HYAL3: variants seen among roughly 807,000 people sequenced by gnomAD.
The protein encoded by HYAL3 is hyaluronidase-3.
In HYAL3, 25 loss-of-function variants were observed where a neutral mutation model predicts 29.6. The ratio of observed to expected loss-of-function variants is 0.85; its 90% confidence interval spans 0.62 to 1.18. HYAL3 has a LOEUF of 1.18. Among genes scored for constraint, HYAL3 ranks in the 50% most tolerant of loss-of-function variants. The probability of loss-of-function intolerance (pLI) is 0.00; values close to 1 mark genes in which losing one functional copy is unlikely to be tolerated. For synonymous variants in HYAL3, 215 were observed against 218.3 expected (o/e 0.99, Z 0.13); for missense variants, 442 against 548.4 (o/e 0.81, Z 1.94).
Position 50,297,946 on chromosome 3 carries a change from C to A in HYAL3, c.-18+1267G>T. On this transcript the variant is annotated intron_variant, in intron 1 of 3. Transcript: ENST00000336307. The surrounding 1 kb of genome is among the most constrained non-coding windows in gnomAD (Gnocchi z 4.3). Reference sequence around the variant, plus strand: ...CTGGGGCAGAACCTAGGAGTCCTGGCCCCAGCCTGCTCTGGCTACAAATTT... The same window carrying A: ...CTGGGGCAGAACCTAGGAGTCCTGGACCCAGCCTGCTCTGGCTACAAATTT... The A allele has an allele frequency of 1.0e-6, 1 of 989,558 alleles. No homozygotes were observed. Among genetic ancestry groups the A allele is most frequent in the Non-Finnish European group, 1.2e-6 (1 of 833,036 alleles). 61.3% of individuals were successfully genotyped at this position (989,558 alleles called of 1,614,324 possible).
intron 1 of HYAL3, chr3:50,295,905 C>A: frequency 7.7e-6 from 3 of 390,292 alleles, no homozygotes; most frequent in South Asian, 6.8e-5. Flanking sequence ...ACCACTGTGT[C>A]CTCCCACAAC....
At chr3:50,296,284 T>A (rs1272691087) in intron 1 of HYAL3, 1 of 383,188 alleles carries the variant, frequency 2.6e-6, no homozygotes, top group African/African-American at 2.1e-5. Context: ...AGGACAGGCA[T>A]CCTCCCATCA....
Position 50,297,155 on chromosome 3 carries a change from G to A in HYAL3, c.-17-1536C>T. 1 of 1,600,524 alleles carries A rather than the reference G, an allele frequency of 6.2e-7. No individual in the cohort carries two copies. The highest frequency in any genetic ancestry group is 1.3e-5 in the African/African-American group (1 of 74,758). ...GGTGGGGGCTTAGCAGCATCAGGCA[G>A]AGGGGGAAGGCATCTGAGGACTGGC... On this transcript the variant is annotated intron_variant, in intron 1 of 3. Coordinates refer to ENST00000336307, the MANE Select transcript of HYAL3 (RefSeq NM_003549.4). This position sits in a 1 kb window ranked among gnomAD's most constrained non-coding sequence, Gnocchi z 4.3.
chr3:50,298,788 C>G (rs1477443483), intron 1 of HYAL3: 27 of 1,099,150 alleles, frequency 2.5e-5, no homozygotes, highest in African/African-American at 3.3e-5. Context: ...CCCCTCACCT[C>G]CCACACCATT....
In HYAL3 at chr3:50,294,733, C is replaced by G; in HGVS notation, c.870G>C (p.Arg290=). 1 of 1,506,460 alleles carries G rather than the reference C, an allele frequency of 6.6e-7. No homozygotes were observed. Among genetic ancestry groups the G allele is most frequent in the Non-Finnish European group, 8.9e-7 (1 of 1,126,822 alleles). 93.3% of individuals were successfully genotyped at this position (1,506,460 alleles called of 1,614,324 possible). Reference sequence around the variant, plus strand: ...CCTGGGACAGGAACCTCCCAGATCTCCGGTGTGTGAGGCGGACATAGGCCA... The same window carrying G: ...CCTGGGACAGGAACCTCCCAGATCTGCGGTGTGTGAGGCGGACATAGGCCA... ...PVLAYVRLTH[R]RSGRFLSQDD... The change falls in exon 2 of 4, where the codon CGG becomes CGC. Residue 290 remains arginine (R), a synonymous_variant. Coordinates refer to ENST00000336307, the MANE Select transcript of HYAL3 (RefSeq NM_003549.4).
chr3:50,296,224 G>C (rs1328311340), intron 1 of HYAL3, among the ~76,000 whole-genome samples: 1 of 152,190 alleles, frequency 6.6e-6, no homozygotes, highest in Non-Finnish European at 1.5e-5. Context: ...GAGTGAATGG[G>C]GAAGAAAACA....
Position 50,297,936 on chromosome 3 carries a change from G to C in HYAL3, c.-18+1277C>G. 2 of 991,088 alleles carry C rather than the reference G, an allele frequency of 2.0e-6. No individual in the cohort carries two copies. Among genetic ancestry groups the C allele is most frequent in the Non-Finnish European group, 2.4e-6 (2 of 834,100 alleles). 61.4% of individuals were successfully genotyped at this position (991,088 alleles called of 1,614,324 possible). A position where few individuals can be genotyped will look rare whatever the true frequency, so the allele number is the denominator to read the frequency against. ...CTGCTTAAGGCTGGGGCAGAACCTA[G>C]GAGTCCTGGCCCCAGCCTGCTCTGG... On this transcript the variant is annotated intron_variant, in intron 1 of 3. Coordinates refer to ENST00000336307, the MANE Select transcript of HYAL3 (RefSeq NM_003549.4). The surrounding 1 kb of genome is among the most constrained non-coding windows in gnomAD (Gnocchi z 4.3).
rs1232161001 is a variant in HYAL3 at position 50,299,385 on chromosome 3, C to A, written c.-190G>T. On this transcript the variant is annotated 5_prime_UTR_variant, in exon 1 of 4. Coordinates refer to ENST00000336307, the MANE Select transcript of HYAL3 (RefSeq NM_003549.4). ...GCCACGGCGTTCTAAGGCCTCCCAG[C>A]ACCCGCGCGTCGCCGCTTAGAACCC... 17 of 1,445,740 alleles carry A rather than the reference C, an allele frequency of 1.2e-5. No individual in the cohort carries two copies. The highest frequency in any genetic ancestry group is 1.5e-5 in the Non-Finnish European group (16 of 1,072,286). 89.6% of individuals were successfully genotyped at this position (1,445,740 alleles called of 1,614,324 possible). A position where few individuals can be genotyped will look rare whatever the true frequency, so the allele number is the denominator to read the frequency against.
chr3:50,298,084 C>G (rs956129318), intron 1 of HYAL3: 106 of 985,414 alleles, frequency 1.1e-4, no homozygotes, highest in Non-Finnish European at 1.2e-4. Flanking sequence ...TAGTCCACCA[C>G]TAGGGCATGG....
Position 50,295,270 on chromosome 3 carries a change from C to T in HYAL3, c.333G>A (p.Gln111=), listed in dbSNP as rs782135670. The T allele has an allele frequency of 6.2e-7, 1 of 1,614,048 alleles. No homozygotes were observed. The highest frequency in any genetic ancestry group is 8.5e-7 in the Non-Finnish European group (1 of 1,180,020). Residue 111 remains glutamine, a synonymous_variant, in exon 2 of 4, where the codon CAG becomes CAA. Coordinates refer to ENST00000336307, the MANE Select transcript of HYAL3 (RefSeq NM_003549.4). ...AGCCAGGTCTCAGGCTGTGGTGGAT[C>T]TGGTAGGCAGCCAGTGCCAGGTGGC... ...LDRHLALAAY[Q]IHHSLRPGFA... is the part of the protein sequence containing the mutation.
chr3:50,294,960 T>C lies in HYAL3; in HGVS notation c.643A>G (p.Asn215Asp). 6.2e-7 allele frequency: 1 copy of C among 1,611,734 alleles called. No individual in the cohort carries two copies. Among genetic ancestry groups the C allele is most frequent in the Non-Finnish European group, 8.5e-7 (1 of 1,178,884 alleles). The change falls in exon 2 of 4, where the codon AAC becomes GAC. Residue 215 changes from asparagine (N) to aspartate (D), a missense_variant. By Grantham distance (23) the Asn-to-Asp change is conservative. Transcript: ENST00000336307. Reference sequence around the variant, plus strand: ...GCTGCATGGCAGCGGCCGGTATAGTTGGAAGCCATACTATGCCAGCCATTG... The same window carrying C: ...GCTGCATGGCAGCGGCCGGTATAGTCGGAAGCCATACTATGCCAGCCATTG... ...CGNGWHSMASNYTGRCHAATL... is the reference protein window; with the variant it reads ...CGNGWHSMASDYTGRCHAATL...
In HYAL3 at chr3:50,295,127, T is replaced by C. The variant is rs781923268; in HGVS notation, c.476A>G (p.Asp159Gly). Residue 159 changes from aspartate to glycine, a missense_variant, in exon 2 of 4, where the codon GAC (aspartate) becomes GGC (glycine). Coordinates refer to ENST00000336307, the MANE Select transcript of HYAL3 (RefSeq NM_003549.4). ...GTAGAGCTGCTCCTGAGGGTCCAGG[T>C]CAGGGAATACCTGCTGTGCCCAAGC... Reference protein sequence around the residue: ...SWAWAQQVFPDLDPQEQLYKA... With the variant: ...SWAWAQQVFPGLDPQEQLYKA... The C allele has an allele frequency of 8.1e-6, 13 of 1,613,464 alleles. No homozygotes were observed. In the South Asian group the frequency reaches 1.3e-4, roughly 16 times the overall value.
At chr3:50,294,621 A>C in intron 2 of HYAL3, 88 bp downstream of exon 2, 1 of 1,195,394 alleles carries the variant, frequency 8.4e-7, no homozygotes, top group Non-Finnish European at 1.1e-6. Flanking sequence ...GATTAGGACC[A>C]ACCCCTAGGC....
At position 50,299,275 on chromosome 3, in the gene HYAL3, A is replaced by G; in HGVS notation, c.-80T>C. 6.2e-7 allele frequency: 1 copy of G among 1,613,642 alleles called. No homozygotes were observed. ...CTCCGCACAGCTGGGTATCTCACTCAGTCGCCACCTCGGACTCCTCGGTCC... is the reference window on the plus strand; with the variant it reads ...CTCCGCACAGCTGGGTATCTCACTCGGTCGCCACCTCGGACTCCTCGGTCC... On this transcript the variant is annotated 5_prime_UTR_variant, in exon 1 of 4. Transcript: ENST00000336307.
intron 1 of HYAL3, among the ~76,000 whole-genome samples, chr3:50,296,225 G>A (rs781800981): frequency 3.3e-5 from 5 of 152,200 alleles, no homozygotes; most frequent in Admixed American, 2.6e-4. Context: ...AGTGAATGGG[G>A]AAGAAAACAG....
chr3:50,297,088 G>T lies in HYAL3; in HGVS notation c.-17-1469C>A. ...TGGGGCTGGTTCAGCACCCGTGACA[G>T]GCGGGCATGGCCCACCACAACGGGT... On this transcript the variant is annotated intron_variant, in intron 1 of 3. Transcript: ENST00000336307. This position sits in a 1 kb window ranked among gnomAD's most constrained non-coding sequence, Gnocchi z 4.3. 6.5e-7 allele frequency: 1 copy of T among 1,542,506 alleles called. No individual in the cohort carries two copies. The highest frequency in any genetic ancestry group is 1.4e-5 in the African/African-American group (1 of 72,860).
rs2109285947 is a variant in HYAL3 at position 50,295,387 on chromosome 3, A to T, written c.216T>A (p.Ile72=). 4 of 1,614,206 alleles carry T rather than the reference A, an allele frequency of 2.5e-6. No homozygotes were observed. The East Asian group carries it at 8.9e-5, about 36-fold the overall frequency. The change falls in exon 2 of 4, where the codon ATT becomes ATA. Residue 72 remains isoleucine (I), a synonymous_variant. Coordinates refer to ENST00000336307, the MANE Select transcript of HYAL3 (RefSeq NM_003549.4). ...GQHFHGQNMT[I]FYKNQLGLYP... ...AGAGGCCGAGTTGGTTCTTGTAGAA[A>T]ATGGTCATGTTCTGACCGTGAAAAT...
At chr3:50,294,510 C>G (rs184649776) in intron 2 of HYAL3, among the ~76,000 whole-genome samples, 199 bp downstream of exon 2, 16 of 152,296 alleles carry the variant, frequency 1.1e-4, no homozygotes, top group Admixed American at 1.0e-3. Context: ...CAGGCCAGCA[C>G]TCCAAAGGCT....
intron 1 of HYAL3, chr3:50,296,934 T>C (rs781890919): frequency 9.9e-5 from 159 of 1,608,820 alleles, no homozygotes; most frequent in Non-Finnish European, 1.3e-4. Flanking sequence ...CACCTGGTCA[T>C]GGGTGGTGAG....
Sources: allele counts gnomAD v4.1 joint callset (sites outside exome capture counted in the v4.1 genomes callset), GRCh38; gene constraint gnomAD v4.1.1; non-coding constraint Gnocchi (gnomAD v3.1); transcripts MANE v1.5; gene names NCBI Gene and HGNC (gene_info 2026-07-23, HGNC 2026-07-21).